GRIN2A: variants seen among roughly 807,000 people sequenced by gnomAD.
GRIN2A encodes the protein glutamate ionotropic receptor NMDA type subunit 2A, also known as glutamate receptor ionotropic, NMDA 2A.
A neutral mutation model predicts 113.4 loss-of-function variants in GRIN2A; 22 were observed. That is an observed-to-expected ratio of 0.19 (90% CI 0.14 to 0.28). The LOEUF is 0.28. Among genes scored for constraint, GRIN2A ranks in the 10% least tolerant of loss-of-function variants. The pLI, the probability that GRIN2A is intolerant of heterozygous loss-of-function variation, is 1.00. For synonymous variants in GRIN2A, 827 were observed against 738.4 expected (o/e 1.12, Z -1.94); for missense variants, 1,502 against 1,887.0 (o/e 0.80, Z 3.78).
At chr16:10,131,233 T>C (rs1398969831) in intron 2 of GRIN2A, among the ~76,000 whole-genome samples, 1 of 152,136 alleles carries the variant, frequency 6.6e-6, no homozygotes, top group East Asian at 1.9e-4. Flanking sequence ...GAACAGGTTT[T>C]AATGAGGCCC....
chr16:10,060,129 A>T lies in GRIN2A; in HGVS notation c.414+119869T>A, dbSNP rs141894456. 1.6e-4 allele frequency among the ~76,000 whole-genome samples: 24 copies of T among 152,230 alleles called. No individual in the cohort carries two copies. The East Asian group carries it at 4.4e-3, about 28-fold the overall frequency. ...CCAAGGAAGAGGAAGTGAGGGAGAA[A>T]TCACCTATAGCCTGGATAAAATATG... is the stretch of plus-strand genomic sequence containing the variant. On this transcript the variant is annotated intron_variant, in intron 2 of 12. Coordinates refer to ENST00000330684, the MANE Select transcript of GRIN2A (RefSeq NM_001134407.3).
At chr16:9,858,539 AAATAAT>A (rs200156573) in intron 4 of GRIN2A, among the ~76,000 whole-genome samples, 1 of 152,010 alleles carries the variant, frequency 6.6e-6, no homozygotes, top group Non-Finnish European at 1.5e-5. Flanking sequence ...GTGACGACAA[AAATAAT>A]AATAATAATA....
chr16:9,864,102 G>A (rs1009348720), intron 4 of GRIN2A, among the ~76,000 whole-genome samples: 3 of 152,118 alleles, frequency 2.0e-5, no homozygotes, highest in African/African-American at 7.2e-5. Flanking sequence ...TATGGTAAAG[G>A]TTTTTGTTTG....
chr16:10,180,124 G>A lies in GRIN2A; in HGVS notation c.288C>T (p.His96=), dbSNP rs74853460. ...CCGTGTCGTCCCCAAACACGAGGCCGTGGATGCGTGCCCCGGACATGAGGT... is the reference window on the plus strand; with the variant it reads ...CCGTGTCGTCCCCAAACACGAGGCCATGGATGCGTGCCCCGGACATGAGGT... ...VCDLMSGARI[H]GLVFGDDTDQ... The change falls in exon 2 of 13, where the codon CAC becomes CAT. Residue 96 remains histidine, a synonymous_variant. Transcript: ENST00000330684. The surrounding 1 kb of genome is among the most constrained non-coding windows in gnomAD (Gnocchi z 7.0). 2.4e-5 allele frequency: 39 copies of A among 1,614,230 alleles called. No individual in the cohort carries two copies. In the Admixed American group the frequency reaches 5.3e-4, roughly 22 times the overall value.
intron 10 of GRIN2A, among the ~76,000 whole-genome samples, chr16:9,815,648 A>G (rs2042173537): frequency 6.6e-6 from 1 of 152,216 alleles, no homozygotes; most frequent in African/African-American, 2.4e-5. Flanking sequence ...AAGGATGTGG[A>G]GAAATTGGAA....
chr16:10,064,304 GC>G, intron 2 of GRIN2A, among the ~76,000 whole-genome samples: 1 of 152,086 alleles, frequency 6.6e-6, no homozygotes. Context: ...TGCGTCCCAG[GC>G]ACCTCACTTC....
intron 4 of GRIN2A, among the ~76,000 whole-genome samples, chr16:9,851,102 A>G (rs1320814222): frequency 6.6e-6 from 1 of 152,168 alleles, no homozygotes; most frequent in East Asian, 1.9e-4. Context: ...CCAGAAATGA[A>G]TCTCAAACCC....
In GRIN2A at chr16:9,914,042, A is replaced by G. The variant is rs1016612711; in HGVS notation, c.1008-22942T>C. ...AACTGAGTGTGAAAAACAATTTAGAATAGAGGCTCCCAAGAATGTTTGATT... is the reference window on the plus strand; with the variant it reads ...AACTGAGTGTGAAAAACAATTTAGAGTAGAGGCTCCCAAGAATGTTTGATT... On this transcript the variant is annotated intron_variant, in intron 3 of 12. Coordinates refer to ENST00000330684, the MANE Select transcript of GRIN2A (RefSeq NM_001134407.3). 2.6e-5 allele frequency among the ~76,000 whole-genome samples: 4 copies of G among 152,288 alleles called. No individual in the cohort carries two copies. The South Asian group carries it at 8.3e-4, about 32-fold the overall frequency.
chr16:9,779,757 T>A (rs540759234), intron 11 of GRIN2A, among the ~76,000 whole-genome samples: 2 of 152,174 alleles, frequency 1.3e-5, no homozygotes, highest in African/African-American at 4.8e-5. Context: ...ATCCTCCCGC[T>A]CCCCAGGTAT....
At chr16:10,172,865 T>C (rs1032542637) in intron 2 of GRIN2A, among the ~76,000 whole-genome samples, 1 of 152,216 alleles carries the variant, frequency 6.6e-6, no homozygotes, top group African/African-American at 2.4e-5. Context: ...TGATGACTTA[T>C]CAGAGGCTAC....
At chr16:9,921,297 A>C (rs987303103) in intron 3 of GRIN2A, among the ~76,000 whole-genome samples, 1 of 152,230 alleles carries the variant, frequency 6.6e-6, no homozygotes, top group East Asian at 1.9e-4. Flanking sequence ...AAAGACAAGC[A>C]AATGTCTCCT....
At chr16:10,004,662 A>G (rs1401525819) in intron 2 of GRIN2A, among the ~76,000 whole-genome samples, 1 of 152,218 alleles carries the variant, frequency 6.6e-6, no homozygotes, top group Non-Finnish European at 1.5e-5. Context: ...CTTCAAAGCA[A>G]GAAGCACAGC....
chr16:9,863,951 A>C (rs1367943051), intron 4 of GRIN2A, among the ~76,000 whole-genome samples: 1 of 152,220 alleles, frequency 6.6e-6, no homozygotes, highest in Non-Finnish European at 1.5e-5. Flanking sequence ...TAACTAGGAC[A>C]ATCACAGAAA....
At chr16:9,947,357 G>A (rs983408789) in intron 2 of GRIN2A, among the ~76,000 whole-genome samples, 2 of 152,248 alleles carry the variant, frequency 1.3e-5, no homozygotes, top group Non-Finnish European at 2.9e-5. Context: ...AATAATAATC[G>A]CTTATCATTA....
At chr16:9,958,030 C>A (rs184111061) in intron 2 of GRIN2A, among the ~76,000 whole-genome samples, 102 of 152,304 alleles carry the variant, frequency 6.7e-4, no homozygotes, top group Non-Finnish European at 1.3e-3. Flanking sequence ...TAGTGATAAA[C>A]TGCTTTAGAA....
At chr16:10,070,809 C>G (rs1427544264) in intron 2 of GRIN2A, among the ~76,000 whole-genome samples, 1 of 152,232 alleles carries the variant, frequency 6.6e-6, no homozygotes, top group Non-Finnish European at 1.5e-5. Context: ...CGCAGACCAT[C>G]TGGACCGCTT....
intron 4 of GRIN2A, among the ~76,000 whole-genome samples, chr16:9,851,443 A>C (rs1356193803): frequency 6.6e-6 from 1 of 152,252 alleles, no homozygotes; most frequent in Non-Finnish European, 1.5e-5. Flanking sequence ...ACGATGTCCC[A>C]GTGCCAGCCT....
At position 10,091,408 on chromosome 16, in the gene GRIN2A, G is replaced by A. The variant is rs112152377; in HGVS notation, c.414+88590C>T. ...GAGCCAGGAGTTTGAGATCAACCTG[G>A]GCAACATGGAAACCCCATCTCTACC... is the stretch of plus-strand genomic sequence containing the variant. On this transcript the variant is annotated intron_variant, in intron 2 of 12. Transcript: ENST00000330684. Among the ~76,000 whole-genome samples, 1,299 of 151,882 alleles carry A rather than the reference G, an allele frequency of 8.6e-3. 21 individuals are homozygous for A. Among genetic ancestry groups the A allele is most frequent in the African/African-American group, 0.03 (1,248 of 41,370 alleles).
At chr16:10,111,794 G>A in intron 2 of GRIN2A, 3 of 1,415,480 alleles carry the variant, frequency 2.1e-6, no homozygotes, top group South Asian at 1.2e-5. Context: ...ATCCGGCATG[G>A]CTTCTCTTGC....
Sources: allele counts gnomAD v4.1 joint callset (sites outside exome capture counted in the v4.1 genomes callset), GRCh38; gene constraint gnomAD v4.1.1; non-coding constraint Gnocchi (gnomAD v3.1); transcripts MANE v1.5; gene names NCBI Gene and HGNC (gene_info 2026-07-23, HGNC 2026-07-21).